The following ARIH2 variants were observed in gnomAD, a reference collection of about 807,000 sequenced individuals.
ARIH2 encodes E3 ubiquitin-protein ligase ARIH2.
ARIH2 carries 12 observed loss-of-function variants against 79.8 expected under a neutral mutation model. The ratio of observed to expected loss-of-function variants is 0.15; its 90% CI spans 0.10 to 0.24. The LOEUF is 0.24. ARIH2 is among the 10% of genes least tolerant of loss of function. The pLI, the probability that ARIH2 is intolerant of heterozygous loss-of-function variation, is 1.00. For synonymous variants in ARIH2, 224 were observed against 213.9 expected, an observed-to-expected ratio of 1.05 and a Z score of -0.41; for missense variants, 301 against 618.3, an observed-to-expected ratio of 0.49 and a Z score of 5.44.
chr3:48,958,571 G>C (rs1044021636), intron 3 of ARIH2, among the ~76,000 whole-genome samples: 1 of 151,990 alleles, frequency 6.6e-6, no homozygotes, highest in Admixed American at 6.6e-5. Flanking sequence ...TTAGCTGGGC[G>C]TGGTGGCGGG....
At chr3:48,919,270 G>C in intron 1 of ARIH2, 1 of 1,150,226 alleles carries the variant, frequency 8.7e-7, no homozygotes, top group South Asian at 4.5e-5. Context: ...GCACATCTAG[G>C]CCCTCTCTCC....
At chr3:48,969,352 G>A (rs2092026204) in intron 7 of ARIH2, among the ~76,000 whole-genome samples, 1 of 152,102 alleles carries the variant, frequency 6.6e-6, no homozygotes, top group African/African-American at 2.4e-5. Flanking sequence ...GCAGAGAGAA[G>A]GGGTATTGCT....
intron 2 of ARIH2, among the ~76,000 whole-genome samples, chr3:48,926,278 T>C (rs2085594353): frequency 6.6e-6 from 1 of 151,928 alleles, no homozygotes; most frequent in African/African-American, 2.4e-5. Flanking sequence ...TGTGTGTACG[T>C]GTGTGTGTGA....
chr3:48,953,402 C>CT (rs936719575), intron 3 of ARIH2, among the ~76,000 whole-genome samples: 2 of 151,926 alleles, frequency 1.3e-5, no homozygotes, highest in Admixed American at 1.3e-4. Flanking sequence ...TATTCATTTT[C>CT]TTTTTTTTAT....
At position 48,944,783 on chromosome 3, in the gene ARIH2, C is replaced by T. The variant is rs565156329; in HGVS notation, c.256-16829C>T. Among the ~76,000 whole-genome samples, 6 of 152,302 alleles carry T rather than the reference C, an allele frequency of 3.9e-5. No homozygotes were observed. In the South Asian group the frequency reaches 1.0e-3, roughly 26 times the overall value. On this transcript the variant is annotated intron_variant, in intron 3 of 15. Coordinates refer to ENST00000356401, the MANE Select transcript of ARIH2 (RefSeq NM_006321.4). ...GTTTACTTACTCCTTTGTCTCTGTG[C>T]TTTAACCTTCTTTCTTCCTCTTGTC...
At chr3:48,980,308 C>T in intron 12 of ARIH2, 45 bp from the exon 13 acceptor site, 1 of 1,601,608 alleles carries the variant, frequency 6.2e-7, no homozygotes, top group Non-Finnish European at 8.5e-7. Context: ...ACCTCTGCAC[C>T]TTCATGGGAC....
intron 2 of ARIH2, among the ~76,000 whole-genome samples, chr3:48,926,371 G>A (rs748301438): frequency 3.3e-5 from 5 of 151,888 alleles, no homozygotes; most frequent in Non-Finnish European, 5.9e-5. Flanking sequence ...GGGTTCAAGC[G>A]TTTCTCCTGT....
intron 7 of ARIH2, among the ~76,000 whole-genome samples, chr3:48,970,246 T>C (rs1290291681): frequency 6.6e-6 from 1 of 152,096 alleles, no homozygotes; most frequent in Non-Finnish European, 1.5e-5. Context: ...CAGGCTGGAA[T>C]GCATCGGTGC....
At chr3:48,960,712 C>T (rs943955894) in intron 3 of ARIH2, among the ~76,000 whole-genome samples, 3 of 149,930 alleles carry the variant, frequency 2.0e-5, no homozygotes, top group Admixed American at 1.3e-4. Flanking sequence ...TGCAGTGAGC[C>T]GAGGTCATGC....
At chr3:48,962,863 GT>G (rs984810033) in intron 4 of ARIH2, among the ~76,000 whole-genome samples, 2 of 151,318 alleles carry the variant, frequency 1.3e-5, no homozygotes, top group Admixed American at 6.6e-5. Flanking sequence ...CGTATGGTAT[GT>G]TTTTTTTTAT....
At chr3:48,928,459 A>C (rs750680265) in intron 3 of ARIH2, among the ~76,000 whole-genome samples, 1 of 152,140 alleles carries the variant, frequency 6.6e-6, no homozygotes, top group Non-Finnish European at 1.5e-5. Context: ...TCCTATTTAC[A>C]TTTTTTATGA....
At chr3:48,969,491 C>CT (rs369825308) in intron 7 of ARIH2, among the ~76,000 whole-genome samples, 10,589 of 144,048 alleles carry the variant, frequency 0.074, 509 homozygotes, top group Middle Eastern at 0.14. Flanking sequence ...TCTTTTTCTT[C>CT]TTTTTTTTTT....
chr3:48,923,710 G>A (rs1282052671), intron 2 of ARIH2, among the ~76,000 whole-genome samples: 3 of 151,948 alleles, frequency 2.0e-5, no homozygotes, highest in Non-Finnish European at 4.4e-5. Flanking sequence ...TAGTAGAGAC[G>A]GGGTTTCTCC....
In ARIH2 at chr3:48,983,225, G is replaced by A. The variant is rs777836518; in HGVS notation, c.1437G>A (p.Ala479=). 4.3e-6 allele frequency: 7 copies of A among 1,614,090 alleles called. No individual in the cohort carries two copies. The East Asian group carries it at 1.1e-4, about 26-fold the overall frequency. The change falls in exon 16 of 16, where the codon GCG becomes GCA. Residue 479 remains alanine (A), a synonymous_variant. Transcript: ENST00000356401. ...ACTTGGAGAACCAGATGCATATAGC[G>A]GAGCAGCGGAGGAGAACCCTGCTGA... The part of the protein sequence containing the change: ...RGDLENQMHI[A]EQRRRTLLKD...
chr3:48,974,447 T>A (rs1025598202), intron 9 of ARIH2, among the ~76,000 whole-genome samples: 4 of 152,192 alleles, frequency 2.6e-5, no homozygotes, highest in African/African-American at 9.7e-5. Context: ...GAAGCAGAAG[T>A]TCAGGCAAGC....
In ARIH2 at chr3:48,927,586, T is replaced by C. The variant is rs1251780705; in HGVS notation, c.28T>C (p.Ser10Pro). 1 of 1,613,826 alleles carries C rather than the reference T, an allele frequency of 6.2e-7. No individual in the cohort carries two copies. The highest frequency in any genetic ancestry group is 8.5e-7 in the Non-Finnish European group (1 of 1,179,972). MSVDMNSQG[S>P]DSNEEDYDPN... ...GTCAGTGGACATGAATAGCCAGGGGTCTGACAGCAATGAAGAGGACTATGA... is the reference window on the plus strand; with the variant it reads ...GTCAGTGGACATGAATAGCCAGGGGCCTGACAGCAATGAAGAGGACTATGA... The change falls in exon 3 of 16, where the codon TCT becomes CCT. Residue 10 changes from serine (S) to proline (P), a missense_variant. Ser to Pro is a moderately conservative substitution (Grantham distance 74). Around this residue, in one of 2 missense-constraint regions of ARIH2, gnomAD observed 223 missense variants for 349.4 expected, o/e 0.64. Coordinates refer to ENST00000356401, the MANE Select transcript of ARIH2 (RefSeq NM_006321.4).
chr3:48,940,229 G>A (rs1264800190), intron 3 of ARIH2, among the ~76,000 whole-genome samples: 1 of 152,286 alleles, frequency 6.6e-6, no homozygotes, highest in East Asian at 1.9e-4. Context: ...AATTAGCTGG[G>A]CGTGGTGGCA....
At chr3:48,941,089 G>T (rs996969826) in intron 3 of ARIH2, among the ~76,000 whole-genome samples, 24 of 150,036 alleles carry the variant, frequency 1.6e-4, no homozygotes, top group Non-Finnish European at 5.9e-5. Context: ...GGAGAATGGC[G>T]TGAACCCAGG....
chr3:48,939,565 G>A (rs1039602867), intron 3 of ARIH2, among the ~76,000 whole-genome samples: 1 of 150,556 alleles, frequency 6.6e-6, no homozygotes, highest in African/African-American at 2.4e-5. Flanking sequence ...AGACCATCCC[G>A]GCTAACACAG....
Sources: gnomAD v4.1 joint callset for allele counts (sites outside exome capture counted in the v4.1 genomes callset) on GRCh38, gnomAD v4.1.1 for gene constraint, gnomAD v4.1.1 regional missense constraint, MANE v1.5 for transcripts, NCBI Gene and HGNC (gene_info 2026-07-23, HGNC 2026-07-21) for gene names.